The following NOVA1 variants were observed in gnomAD, a reference collection of about 807,000 sequenced individuals.
The protein encoded by NOVA1 is NOVA alternative splicing regulator 1, also known as RNA-binding protein Nova-1.
NOVA1 carries 7 observed loss-of-function variants against 38.0 expected under a neutral mutation model. The ratio of observed to expected loss-of-function variants is 0.18; its 90% CI spans 0.10 to 0.35. The LOEUF is 0.35. Among genes scored for constraint, NOVA1 ranks in the 10% least tolerant of loss-of-function variants. The pLI, the probability that NOVA1 is intolerant of heterozygous loss-of-function variation, is 1.00. For missense variants in NOVA1, 460 were observed against 616.0 expected (o/e 0.75, Z 2.68); for synonymous variants, 270 against 232.5 (o/e 1.16, Z -1.47).
intron 2 of NOVA1, among the ~76,000 whole-genome samples, chr14:26,481,855 A>G (rs1485837012): frequency 6.6e-6 from 1 of 152,060 alleles, no homozygotes; most frequent in Admixed American, 6.5e-5. Flanking sequence ...GAACTGATCA[A>G]TGTAGCTAAT....
At position 26,564,042 on chromosome 14, in the gene NOVA1, A is replaced by G. The variant is rs1319599844; in HGVS notation, c.280+31368T>C. On this transcript the variant is annotated intron_variant, in intron 2 of 4. Transcript: ENST00000539517. ...AAAGTGTGTATAGCAAGACAAGTTA[A>G]TAAGTGGGAGTGGAAATTTTAACCC... Among the ~76,000 whole-genome samples the G allele has an allele frequency of 3.3e-5, 5 of 152,166 alleles. No homozygotes were observed. In the East Asian group the frequency reaches 7.7e-4, roughly 23 times the overall value.
At chr14:26,542,600 A>G (rs1225432244) in intron 2 of NOVA1, among the ~76,000 whole-genome samples, 1 of 151,746 alleles carries the variant, frequency 6.6e-6, no homozygotes, top group East Asian at 1.9e-4. Flanking sequence ...ATTTTCTATT[A>G]TAGGAATATT....
At chr14:26,471,011 T>C (rs979018543) in intron 4 of NOVA1, among the ~76,000 whole-genome samples, 1 of 152,122 alleles carries the variant, frequency 6.6e-6, no homozygotes, top group Non-Finnish European at 1.5e-5. Context: ...TTCATGCATT[T>C]GTAATACAAG....
intron 2 of NOVA1, among the ~76,000 whole-genome samples, chr14:26,519,913 T>C (rs930367323): frequency 6.6e-6 from 1 of 151,602 alleles, no homozygotes; most frequent in Admixed American, 6.6e-5. Flanking sequence ...TAATGAAGAA[T>C]GGGGTACATT....
chr14:26,565,950 TGAG>T (rs1038099939), intron 2 of NOVA1, among the ~76,000 whole-genome samples: 4 of 152,030 alleles, frequency 2.6e-5, no homozygotes, highest in African/African-American at 9.7e-5. Flanking sequence ...GGTATTTAAA[TGAG>T]GAGAAAGAAA....
At chr14:26,549,496 G>A in intron 2 of NOVA1, 1 of 190,150 alleles carries the variant, frequency 5.3e-6, no homozygotes, top group Non-Finnish European at 1.2e-5. Context: ...ATAAAAAGGA[G>A]TGCATCCATC....
chr14:26,571,072 G>A (rs955543386), intron 2 of NOVA1, among the ~76,000 whole-genome samples: 6 of 151,432 alleles, frequency 4.0e-5, no homozygotes, highest in Non-Finnish European at 5.9e-5. Flanking sequence ...GCAATAATTG[G>A]TGATGTGTTA....
At chr14:26,496,317 G>T (rs924634308) in intron 2 of NOVA1, among the ~76,000 whole-genome samples, 2 of 152,146 alleles carry the variant, frequency 1.3e-5, no homozygotes, top group Non-Finnish European at 2.9e-5. Context: ...GGCTGTTCAT[G>T]TCCTTCGCCC....
chr14:26,548,693 C>T (rs1262548103), intron 2 of NOVA1, among the ~76,000 whole-genome samples: 2 of 152,046 alleles, frequency 1.3e-5, no homozygotes, highest in Non-Finnish European at 2.9e-5. Flanking sequence ...TATAAAAGTG[C>T]TTTTACAAAA....
In NOVA1 at chr14:26,570,609, T is replaced by C. The variant is rs140774212; in HGVS notation, c.280+24801A>G. Among the ~76,000 whole-genome samples, 5 of 152,292 alleles carry C rather than the reference T, an allele frequency of 3.3e-5. No homozygotes were observed. The East Asian group carries it at 9.7e-4, about 29-fold the overall frequency. On this transcript the variant is annotated intron_variant, in intron 2 of 4. Coordinates refer to ENST00000539517, the MANE Select transcript of NOVA1 (RefSeq NM_002515.3). Reference sequence around the variant, plus strand: ...TGTACTGTATGTGTATACATATGTATATGTATACACACATGTATATATGCA... The same window carrying C: ...TGTACTGTATGTGTATACATATGTACATGTATACACACATGTATATATGCA...
At chr14:26,533,955 G>A (rs1018478703) in intron 2 of NOVA1, among the ~76,000 whole-genome samples, 2 of 152,160 alleles carry the variant, frequency 1.3e-5, no homozygotes, top group Non-Finnish European at 2.9e-5. Flanking sequence ...TGCTCAGACT[G>A]CTGTATGTGA....
intron 2 of NOVA1, among the ~76,000 whole-genome samples, chr14:26,552,924 T>C (rs1034034917): frequency 6.6e-6 from 1 of 152,142 alleles, no homozygotes; most frequent in East Asian, 1.9e-4. Flanking sequence ...AGCTCTGAGA[T>C]AGGAACATGC....
chr14:26,538,423 G>A (rs1469485401), intron 2 of NOVA1, among the ~76,000 whole-genome samples: 1 of 152,006 alleles, frequency 6.6e-6, no homozygotes, highest in Non-Finnish European at 1.5e-5. Flanking sequence ...ATCAAAAATA[G>A]ATGTGTAATT....
chr14:26,534,780 G>T lies in NOVA1; in HGVS notation c.281-54637C>A, dbSNP rs375164855. Among the ~76,000 whole-genome samples, 14 of 152,140 alleles carry T rather than the reference G, an allele frequency of 9.2e-5. No individual in the cohort carries two copies. The East Asian group carries it at 1.9e-3, about 21-fold the overall frequency. ...AGATTATCATGGATTATCTGAGTGA[G>T]CCCTAAATATAATCACAAGAGGGAG... On this transcript the variant is annotated intron_variant, in intron 2 of 4. Coordinates refer to ENST00000539517, the MANE Select transcript of NOVA1 (RefSeq NM_002515.3).
At chr14:26,548,169 A>G (rs1594512739) in intron 2 of NOVA1, among the ~76,000 whole-genome samples, 2 of 152,060 alleles carry the variant, frequency 1.3e-5, no homozygotes, top group East Asian at 3.9e-4. Flanking sequence ...AATTAACACA[A>G]ATAATATTCT....
chr14:26,505,600 G>C lies in NOVA1; in HGVS notation c.281-25457C>G, dbSNP rs957981145. Among the ~76,000 whole-genome samples the C allele has an allele frequency of 7.9e-5, 12 of 151,982 alleles. No individual in the cohort carries two copies. In the East Asian group the frequency reaches 2.1e-3, roughly 27 times the overall value. On this transcript the variant is annotated intron_variant, in intron 2 of 4. Transcript: ENST00000539517. ...ATGCACTAACACAACACCTTTCCTT[G>C]ATTTACTTCTACCAAACACAGTCCC...
intron 2 of NOVA1, among the ~76,000 whole-genome samples, chr14:26,485,823 T>C (rs1398158177): frequency 6.6e-6 from 1 of 152,138 alleles, no homozygotes; most frequent in African/African-American, 2.4e-5. Flanking sequence ...AATGTTAGTG[T>C]AGAGTAAGTC....
chr14:26,545,913 G>A (rs1174235220), intron 2 of NOVA1, among the ~76,000 whole-genome samples: 2 of 152,026 alleles, frequency 1.3e-5, no homozygotes, highest in African/African-American at 4.8e-5. Flanking sequence ...ATTCAGTTAA[G>A]ATTAATTAAA....
At chr14:26,570,484 A>G (rs935448591) in intron 2 of NOVA1, among the ~76,000 whole-genome samples, 1 of 152,176 alleles carries the variant, frequency 6.6e-6, no homozygotes, top group Non-Finnish European at 1.5e-5. Context: ...AGTTGTCAAT[A>G]TGAATATCTC....
Sources: gnomAD v4.1 joint callset for allele counts (sites outside exome capture counted in the v4.1 genomes callset) on GRCh38, gnomAD v4.1.1 for gene constraint, MANE v1.5 for transcripts, NCBI Gene and HGNC (gene_info 2026-07-23, HGNC 2026-07-21) for gene names.